SCHIP1: variants seen among roughly 807,000 people sequenced by gnomAD.
SCHIP1 encodes schwannomin interacting protein 1.
SCHIP1 carries 8 observed loss-of-function variants against 29.7 expected under a neutral mutation model. The ratio of observed to expected loss-of-function variants is 0.27; its 90% CI spans 0.16 to 0.49. The LOEUF (loss-of-function observed/expected upper bound fraction) is 0.49. Among genes scored for constraint, SCHIP1 ranks in the 20% least tolerant of loss-of-function variants. SCHIP1 has a pLI of 0.99. For synonymous variants in SCHIP1, 76 were observed against 94.9 expected, an observed-to-expected ratio of 0.80 and a Z score of 1.16; for missense variants, 193 against 294.6, an observed-to-expected ratio of 0.66 and a Z score of 2.52.
At chr3:159,839,908 C>T (rs1744052970) in exon 1 of SCHIP1, 1 of 1,396,894 alleles carries the variant, frequency 7.2e-7, no homozygotes. Context: ...GGGTGATGAG[C>T]GCCCCCTCCC....
the SCHIP1 span, among the ~76,000 whole-genome samples, chr3:159,281,176 T>C: frequency 6.6e-6 from 1 of 152,168 alleles, no homozygotes; most frequent in South Asian, 2.1e-4. Flanking sequence ...AACCAAAGAC[T>C]GGGCTAATTA....
At chr3:159,380,324 G>T in the SCHIP1 span, among the ~76,000 whole-genome samples, 3 of 152,044 alleles carry the variant, frequency 2.0e-5, no homozygotes, top group African/African-American at 7.2e-5. Flanking sequence ...AACAGCTGTC[G>T]GTTGCTTTGT....
At chr3:159,529,365 G>A in the SCHIP1 span, among the ~76,000 whole-genome samples, 6 of 152,146 alleles carry the variant, frequency 3.9e-5, no homozygotes, top group Admixed American at 6.5e-5. Flanking sequence ...GAGTCCCAAG[G>A]CATAAATTAA....
the SCHIP1 span, among the ~76,000 whole-genome samples, chr3:159,385,590 CA>C: frequency 0.38 from 49,583 of 130,432 alleles, 8,487 homozygotes; most frequent in Middle Eastern, 0.44. Context: ...AAAAAAAAAC[CA>C]AAAAAAAAAA....
the SCHIP1 span, among the ~76,000 whole-genome samples, chr3:159,596,918 G>T: frequency 4.4e-3 from 662 of 151,728 alleles, 2 homozygotes; most frequent in Non-Finnish European, 7.0e-3. Flanking sequence ...TGCATGTTGT[G>T]CACATGTGCC....
chr3:159,388,795 A>T, the SCHIP1 span, among the ~76,000 whole-genome samples: 23 of 152,296 alleles, frequency 1.5e-4, no homozygotes, highest in Admixed American at 8.5e-4. Context: ...ATAATATTTC[A>T]ACTCGGGAAA....
chr3:159,443,963 A>G, the SCHIP1 span, among the ~76,000 whole-genome samples: 1 of 152,126 alleles, frequency 6.6e-6, no homozygotes, highest in Non-Finnish European at 1.5e-5. Context: ...CAGTTAGGAA[A>G]GGTTTGCTTC....
At chr3:159,841,081 T>C (rs7643036) in intron 1 of SCHIP1, among the ~76,000 whole-genome samples, 81 of 152,326 alleles carry the variant, frequency 5.3e-4, no homozygotes, top group Non-Finnish European at 1.1e-3. Context: ...GAGTTTAGAA[T>C]CTCTGAGAGA....
the SCHIP1 span, among the ~76,000 whole-genome samples, chr3:159,647,241 C>T: frequency 6.6e-5 from 10 of 151,838 alleles, no homozygotes; most frequent in African/African-American, 2.4e-4. Flanking sequence ...AGAGAGAAAT[C>T]CAAAAATAAG....
At chr3:159,307,859 C>T in the SCHIP1 span, among the ~76,000 whole-genome samples, 3 of 151,978 alleles carry the variant, frequency 2.0e-5, no homozygotes, top group African/African-American at 7.2e-5. Flanking sequence ...TTTTTGTTGG[C>T]CTTGTTGAAG....
chr3:159,513,608 G>A, the SCHIP1 span, among the ~76,000 whole-genome samples: 126 of 152,232 alleles, frequency 8.3e-4, no homozygotes, highest in East Asian at 0.019. Context: ...CCTCCAGCCC[G>A]GCTGCCACTC....
At chr3:159,372,154 G>GTAAT in the SCHIP1 span, among the ~76,000 whole-genome samples, 1 of 152,110 alleles carries the variant, frequency 6.6e-6, no homozygotes, top group African/African-American at 2.4e-5. Flanking sequence ...CTGTTTTTCA[G>GTAAT]TAATTAAAAG....
At chr3:159,793,574 G>A in the SCHIP1 span, among the ~76,000 whole-genome samples, 14 of 152,078 alleles carry the variant, frequency 9.2e-5, no homozygotes, top group African/African-American at 3.4e-4. Context: ...GGCTCTAGGG[G>A]AGAGTCTGAG....
chr3:159,294,357 G>C, the SCHIP1 span, among the ~76,000 whole-genome samples: 1 of 151,882 alleles, frequency 6.6e-6, no homozygotes, highest in African/African-American at 2.4e-5. Flanking sequence ...AGTTGATTTG[G>C]GGTTCTCAAT....
chr3:159,422,880 G>T, the SCHIP1 span, among the ~76,000 whole-genome samples: 2 of 152,154 alleles, frequency 1.3e-5, no homozygotes, highest in African/African-American at 4.8e-5. Context: ...CTAGTGAGGG[G>T]CTATTGCAAA....
At chr3:159,892,245 T>A in intron 6 of SCHIP1, 55 bp downstream of exon 7, 1 of 1,604,498 alleles carries the variant, frequency 6.2e-7, no homozygotes, top group Non-Finnish European at 8.5e-7. Flanking sequence ...GTCTGAAATC[T>A]AAGAATTAGG....
chr3:159,853,440 G>C (rs1368574474), intron 1 of SCHIP1: 1 of 697,780 alleles, frequency 1.4e-6, no homozygotes, highest in Non-Finnish European at 2.6e-6. Context: ...ATTGGATATG[G>C]AGGGGAATTA....
the SCHIP1 span, among the ~76,000 whole-genome samples, chr3:159,784,579 C>T: frequency 6.6e-6 from 1 of 152,228 alleles, no homozygotes; most frequent in Non-Finnish European, 1.5e-5. Context: ...TGGGCTTTCC[C>T]GTCAGTCGTT....
the SCHIP1 span, among the ~76,000 whole-genome samples, chr3:159,675,714 AC>A: frequency 6.6e-6 from 1 of 152,248 alleles, no homozygotes; most frequent in Non-Finnish European, 1.5e-5. Context: ...TCCCTGGCAT[AC>A]CTGAAAGTAA....
Sources: allele counts gnomAD v4.1 joint callset (sites outside exome capture counted in the v4.1 genomes callset), GRCh38; gene constraint gnomAD v4.1.1; transcripts MANE v1.5; gene names NCBI Gene and HGNC (gene_info 2026-07-23, HGNC 2026-07-21).